Variants in DCUN1D4 observed in about 807,000 individuals in gnomAD.
The protein encoded by DCUN1D4 is DCN1-like protein 4.
Under a neutral mutation model 47.9 loss-of-function variants are expected in DCUN1D4, and 22 were observed. The observed-to-expected ratio is 0.46, with a 90% confidence interval of 0.33 to 0.66. The LOEUF is 0.66. Among genes scored for constraint, DCUN1D4 ranks in the 30% least tolerant of loss-of-function variants. The pLI, the probability that DCUN1D4 is intolerant of heterozygous loss-of-function variation, is 0.02. For missense variants in DCUN1D4, 301 were observed against 340.8 expected (o/e 0.88, Z 0.92); for synonymous variants, 121 against 112.2 (o/e 1.08, Z -0.50).
intron 3 of DCUN1D4, among the ~76,000 whole-genome samples, chr4:51,864,008 A>G (rs1725507497): frequency 6.6e-6 from 1 of 152,246 alleles, no homozygotes. Flanking sequence ...TGCTACAGTA[A>G]TGCAATTTGA....
At chr4:51,866,876 G>A (rs774592258) in intron 3 of DCUN1D4, among the ~76,000 whole-genome samples, 2 of 152,158 alleles carry the variant, frequency 1.3e-5, no homozygotes, top group Non-Finnish European at 2.9e-5. Flanking sequence ...AAACTTCTGT[G>A]GCTGGTGGCA....
chr4:51,893,464 C>T (rs1223219366), intron 7 of DCUN1D4, among the ~76,000 whole-genome samples: 2 of 151,486 alleles, frequency 1.3e-5, no homozygotes, highest in East Asian at 1.9e-4. Flanking sequence ...GTCCCTCTGT[C>T]GCCCAGGCTG....
upstream of DCUN1D4, chr4:51,842,939 G>A: frequency 1.3e-6 from 1 of 789,436 alleles, no homozygotes; most frequent in Non-Finnish European, 1.7e-6. Context: ...CCGCTGCTCC[G>A]GAGCATGGCC....
At chr4:51,838,323 TA>T (rs1721548028), upstream of DCUN1D4, among the ~76,000 whole-genome samples, 1 of 152,154 alleles carries the variant, frequency 6.6e-6, no homozygotes. Context: ...TATAGATCTA[TA>T]AAAGGAGCCT....
intron 5 of DCUN1D4, chr4:51,884,396 G>A (rs537415179): frequency 6.6e-6 from 1 of 152,348 alleles, no homozygotes; most frequent in East Asian, 1.9e-4. Flanking sequence ...GGCAGGGACT[G>A]TTTGCACCCT....
At chr4:51,836,240 T>C in the DCUN1D4 span, among the ~76,000 whole-genome samples, 2 of 152,218 alleles carry the variant, frequency 1.3e-5, no homozygotes, top group African/African-American at 4.8e-5. Context: ...GTTGCAGGCC[T>C]TTGATAATCA....
At chr4:51,837,649 C>T in the DCUN1D4 span, among the ~76,000 whole-genome samples, 1 of 93,570 alleles carries the variant, frequency 1.1e-5, no homozygotes, top group Admixed American at 1.3e-4. Flanking sequence ...AACGAGACTC[C>T]GTCTCAAAAA....
intron 9 of DCUN1D4, among the ~76,000 whole-genome samples, chr4:51,912,131 A>T (rs1435861020): frequency 1.3e-5 from 2 of 152,224 alleles, no homozygotes; most frequent in African/African-American, 4.8e-5. Flanking sequence ...CTGTTTACCC[A>T]AAATAGTCCA....
chr4:51,857,944 G>A (rs1305078877), intron 1 of DCUN1D4, among the ~76,000 whole-genome samples: 2 of 152,102 alleles, frequency 1.3e-5, no homozygotes, highest in African/African-American at 4.8e-5. Flanking sequence ...TACAGCAATG[G>A]GCAAGATTTA....
At chr4:51,880,548 C>T (rs1356715759) in intron 5 of DCUN1D4, among the ~76,000 whole-genome samples, 1 of 152,192 alleles carries the variant, frequency 6.6e-6, no homozygotes, top group East Asian at 1.9e-4. Context: ...CCAGCTCTTC[C>T]AAGTTTCTGT....
intron 7 of DCUN1D4, among the ~76,000 whole-genome samples, chr4:51,894,182 C>G (rs184462419): frequency 6.6e-6 from 1 of 152,106 alleles, no homozygotes; most frequent in Non-Finnish European, 1.5e-5. Context: ...ATGGAGGAAC[C>G]GCTTGCTTTT....
chr4:51,905,501 T>C lies in DCUN1D4; in HGVS notation c.616-5569T>C, dbSNP rs570562291. 1.1e-4 allele frequency among the ~76,000 whole-genome samples: 16 copies of C among 152,358 alleles called. No individual in the cohort carries two copies. In the South Asian group the frequency reaches 3.3e-3, roughly 32 times the overall value. On this transcript the variant is annotated intron_variant, in intron 8 of 10. Transcript: ENST00000334635. Reference sequence around the variant, plus strand: ...GGGTTTTTTGCCCTCAATATAAATTTTATTATATAAACAATTGTTGTTATA... The same window carrying C: ...GGGTTTTTTGCCCTCAATATAAATTCTATTATATAAACAATTGTTGTTATA...
chr4:51,893,146 A>G (rs1730713104), intron 7 of DCUN1D4, among the ~76,000 whole-genome samples: 3 of 152,208 alleles, frequency 2.0e-5, no homozygotes, highest in Non-Finnish European at 2.9e-5. Flanking sequence ...TGTGGCAGAG[A>G]TGGGAAGAAC....
the DCUN1D4 span, among the ~76,000 whole-genome samples, chr4:51,834,657 T>C: frequency 6.6e-6 from 1 of 152,024 alleles, no homozygotes; most frequent in South Asian, 2.1e-4. Flanking sequence ...CTTTACTCGC[T>C]GAGAATGGGC....
intron 7 of DCUN1D4, among the ~76,000 whole-genome samples, chr4:51,894,109 G>A (rs1484031152): frequency 1.3e-5 from 2 of 152,126 alleles, no homozygotes; most frequent in Admixed American, 1.3e-4. Context: ...GGGTTCTCAG[G>A]GTGATTGCCA....
intron 1 of DCUN1D4, chr4:51,844,289 C>G: frequency 3.1e-6 from 3 of 975,716 alleles, no homozygotes; most frequent in South Asian, 9.5e-5. Context: ...AGGGGGGAGT[C>G]CAAGCTTCGG....
intron 8 of DCUN1D4, among the ~76,000 whole-genome samples, chr4:51,900,583 T>A (rs1475261757): frequency 1.3e-5 from 2 of 151,954 alleles, no homozygotes; most frequent in Admixed American, 6.6e-5. Flanking sequence ...AATAAAAAAA[T>A]TTAAAAATTA....
chr4:51,859,274 A>G (rs1191639923), intron 1 of DCUN1D4, among the ~76,000 whole-genome samples: 1 of 152,186 alleles, frequency 6.6e-6, no homozygotes, highest in African/African-American at 2.4e-5. Context: ...CAATAAAATC[A>G]TACATATTGG....
upstream of DCUN1D4, chr4:51,842,939 G>T (rs150224116): frequency 0.019 from 14,995 of 789,254 alleles, 177 homozygotes; most frequent in Non-Finnish European, 0.023. Context: ...CCGCTGCTCC[G>T]GAGCATGGCC....
Sources: allele counts gnomAD v4.1 joint callset (sites outside exome capture counted in the v4.1 genomes callset), GRCh38; gene constraint gnomAD v4.1.1; transcripts MANE v1.5; gene names NCBI Gene and HGNC (gene_info 2026-07-23, HGNC 2026-07-21).